Variants in SHISA9 observed in about 807,000 individuals in gnomAD.
SHISA9 encodes shisa family member 9.
SHISA9 carries 13 observed loss-of-function variants against 38.0 expected under a neutral mutation model. That is an observed-to-expected ratio of 0.34 (90% confidence interval 0.22 to 0.54). The LOEUF is 0.54. Among genes scored for constraint, SHISA9 ranks in the 20% least tolerant of loss-of-function variants. The pLI is 0.91. For missense variants in SHISA9, 538 were observed against 575.8 expected, an observed-to-expected ratio of 0.93 and a Z score of 0.67; for synonymous variants, 275 against 242.0, an observed-to-expected ratio of 1.14 and a Z score of -1.27.
chr16:12,981,238 C>A (rs1405375659), intron 2 of SHISA9, among the ~76,000 whole-genome samples: 3 of 152,206 alleles, frequency 2.0e-5, no homozygotes, highest in African/African-American at 7.2e-5. Context: ...CCCCAGATAC[C>A]AGAAACCTAC....
chr16:13,243,780 T>G (rs562123538), downstream of SHISA9, among the ~76,000 whole-genome samples: 142 of 146,796 alleles, frequency 9.7e-4, no homozygotes, highest in African/African-American at 2.9e-3. Context: ...TTTTTTTTTT[T>G]TTTTTTTTTT....
chr16:13,413,672 G>C, the SHISA9 span, among the ~76,000 whole-genome samples: 1 of 136,400 alleles, frequency 7.3e-6, no homozygotes. Flanking sequence ...CAGGAAAATT[G>C]CTAGAACCTG....
At chr16:13,481,852 A>G in the SHISA9 span, among the ~76,000 whole-genome samples, 3 of 152,238 alleles carry the variant, frequency 2.0e-5, no homozygotes, top group African/African-American at 4.8e-5. Flanking sequence ...TCAAAATTGA[A>G]GTGGAAATGA....
the SHISA9 span, among the ~76,000 whole-genome samples, chr16:13,323,946 G>A: frequency 6.6e-6 from 1 of 152,134 alleles, no homozygotes; most frequent in African/African-American, 2.4e-5. Flanking sequence ...GGTCATGGGG[G>A]CAGATTCCTC....
At chr16:13,060,432 T>C (rs190162151) in intron 2 of SHISA9, among the ~76,000 whole-genome samples, 45 of 152,136 alleles carry the variant, frequency 3.0e-4, no homozygotes, top group African/African-American at 5.3e-4. Flanking sequence ...TTTTCTTCTC[T>C]GAGAAATGGG....
At chr16:13,249,414 C>G in the SHISA9 span, among the ~76,000 whole-genome samples, 2 of 152,110 alleles carry the variant, frequency 1.3e-5, no homozygotes, top group African/African-American at 4.8e-5. Flanking sequence ...AATAATAATG[C>G]GCTTTCTGTA....
intron 2 of SHISA9, among the ~76,000 whole-genome samples, chr16:12,983,363 C>A (rs1456638189): frequency 6.6e-6 from 1 of 152,220 alleles, no homozygotes; most frequent in Non-Finnish European, 1.5e-5. Flanking sequence ...GAATGTTTGT[C>A]CCTCAGAGAT....
the SHISA9 span, among the ~76,000 whole-genome samples, chr16:13,395,419 T>G: frequency 2.6e-5 from 4 of 152,354 alleles, no homozygotes; most frequent in African/African-American, 9.6e-5. Context: ...GCATAAGTCC[T>G]CTGCTCAAGG....
At position 12,970,444 on chromosome 16, in the gene SHISA9, C is replaced by CATAT. The variant is rs1287488229; in HGVS notation, c.691+53637_691+53640dup. Among the ~76,000 whole-genome samples, 59 of 46,608 alleles carry CATAT rather than the reference C, an allele frequency of 1.3e-3. 1 individual carries two copies. The highest frequency in any genetic ancestry group is 5.5e-3 in the South Asian group (10 of 1,806). 30.6% of individuals were successfully genotyped at this position (46,608 alleles called of 152,430 possible). Reference sequence around the variant, plus strand: ...ACATATATGTATATATATATACACACATATATATATACATATATGTGTGTG... The same window carrying CATAT: ...ACATATATGTATATATATATACACACATATATATATATATACATATATGTGTGTG... On this transcript the variant is annotated intron_variant, in intron 2 of 4. Coordinates refer to ENST00000558583, the MANE Select transcript of SHISA9 (RefSeq NM_001145204.3).
intron 2 of SHISA9, among the ~76,000 whole-genome samples, chr16:12,955,534 G>T (rs1463295961): frequency 6.6e-6 from 1 of 151,154 alleles, no homozygotes; most frequent in Non-Finnish European, 1.5e-5. Context: ...AAAAATGTGA[G>T]CATGGTACTG....
intron 2 of SHISA9, among the ~76,000 whole-genome samples, chr16:13,034,885 C>A (rs945441613): frequency 3.3e-5 from 5 of 152,208 alleles, no homozygotes; most frequent in Non-Finnish European, 7.3e-5. Flanking sequence ...CATTAGTCAA[C>A]AGCCAGCCAG....
the SHISA9 span, among the ~76,000 whole-genome samples, chr16:13,473,816 T>A: frequency 7.9e-5 from 12 of 152,232 alleles, no homozygotes; most frequent in East Asian, 1.9e-3. Flanking sequence ...TGTGTGTTCT[T>A]TTTTAAATAA....
At chr16:13,304,538 G>T in the SHISA9 span, among the ~76,000 whole-genome samples, 4 of 152,296 alleles carry the variant, frequency 2.6e-5, no homozygotes, top group South Asian at 8.3e-4. Context: ...GATTACAGAT[G>T]TGAGCCACTG....
At chr16:13,223,420 G>A (rs1191618542) in intron 4 of SHISA9, among the ~76,000 whole-genome samples, 1 of 152,172 alleles carries the variant, frequency 6.6e-6, no homozygotes, top group Non-Finnish European at 1.5e-5. Flanking sequence ...GACAGAGTGA[G>A]ATGTGCATAT....
the SHISA9 span, among the ~76,000 whole-genome samples, chr16:13,362,214 C>CAAAA: frequency 2.6e-4 from 33 of 127,502 alleles, no homozygotes; most frequent in African/African-American, 8.9e-4. Context: ...GAACGACAGC[C>CAAAA]AAAAAAAAAA....
At chr16:13,131,903 A>G (rs555628062) in intron 2 of SHISA9, among the ~76,000 whole-genome samples, 1 of 152,194 alleles carries the variant, frequency 6.6e-6, no homozygotes, top group Non-Finnish European at 1.5e-5. Flanking sequence ...GTGGAAATAG[A>G]CGCTGATCCC....
Position 13,235,552 on chromosome 16 carries a change from G to A in SHISA9, c.*143G>A, listed in dbSNP as rs2051375151. The A allele has an allele frequency of 9.1e-7, 1 of 1,093,940 alleles. No individual in the cohort carries two copies. The highest frequency in any genetic ancestry group is 1.3e-6 in the Non-Finnish European group (1 of 789,598). The allele number at this position is 1,093,940 out of a possible 1,614,324, so 67.8% of individuals were successfully genotyped here. ...AAGAACCAACTCTAAACCTACTGGG[G>A]ACACAGAGTCGCGCTTTTCCTAGGT... On this transcript the variant is annotated 3_prime_UTR_variant, in exon 5 of 5. Transcript: ENST00000558583.
At chr16:13,026,285 T>G (rs1362612184) in intron 2 of SHISA9, among the ~76,000 whole-genome samples, 1 of 152,244 alleles carries the variant, frequency 6.6e-6, no homozygotes, top group Non-Finnish European at 1.5e-5. Flanking sequence ...TCTTTGAGTT[T>G]GATGACGTTA....
the SHISA9 span, among the ~76,000 whole-genome samples, chr16:13,288,789 TAAAACAAAAACA>T: frequency 6.6e-6 from 1 of 151,964 alleles, no homozygotes; most frequent in Non-Finnish European, 1.5e-5. Context: ...GACTCTGTCT[TAAAACAAAAACA>T]AAAACAAAAA....
Sources: gnomAD v4.1 joint callset for allele counts (sites outside exome capture counted in the v4.1 genomes callset) on GRCh38, gnomAD v4.1.1 for gene constraint, MANE v1.5 for transcripts, NCBI Gene and HGNC (gene_info 2026-07-23, HGNC 2026-07-21) for gene names.